GRK5: variants seen among roughly 807,000 people sequenced by gnomAD.
GRK5 encodes the protein g protein-coupled receptor kinase GRK5.
In GRK5, 40 loss-of-function variants were observed where a neutral mutation model predicts 78.4. That is an observed-to-expected ratio of 0.51 (90% CI 0.40 to 0.66). GRK5 has a LOEUF of 0.66. Ranked by LOEUF, GRK5 falls within the 30% of genes least tolerant of loss-of-function variation. The pLI, the probability that GRK5 is intolerant of heterozygous loss-of-function variation, is 0.00. For missense variants in GRK5, 598 were observed against 759.9 expected, an observed-to-expected ratio of 0.79 and a Z score of 2.50; for synonymous variants, 289 against 296.8, an observed-to-expected ratio of 0.97 and a Z score of 0.27.
intron 1 of GRK5, among the ~76,000 whole-genome samples, chr10:119,321,481 T>C (rs1291389969): frequency 6.6e-6 from 1 of 152,316 alleles, no homozygotes; most frequent in African/African-American, 2.4e-5. Context: ...TCGTGGCCCC[T>C]TCCCATCTTC....
chr10:119,261,387 C>T (rs950781959), intron 1 of GRK5, among the ~76,000 whole-genome samples: 3 of 148,068 alleles, frequency 2.0e-5, no homozygotes, highest in Non-Finnish European at 3.0e-5. Context: ...GGATGGCGGC[C>T]GGGCAGAGAC....
chr10:119,280,376 G>A (rs1224322243), intron 1 of GRK5, among the ~76,000 whole-genome samples: 2 of 152,140 alleles, frequency 1.3e-5, no homozygotes, highest in African/African-American at 4.8e-5. Context: ...AGTTTTTCTT[G>A]TTGGTTTTAA....
At chr10:119,386,665 G>T (rs1325156690) in intron 3 of GRK5, among the ~76,000 whole-genome samples, 1 of 152,180 alleles carries the variant, frequency 6.6e-6, no homozygotes, top group Non-Finnish European at 1.5e-5. Flanking sequence ...TGCATCCCTG[G>T]GAATTAGCGA....
chr10:119,393,779 C>T (rs11198906), intron 3 of GRK5, among the ~76,000 whole-genome samples: 36,866 of 152,144 alleles, frequency 0.24, 4,526 homozygotes, highest in East Asian at 0.38. Flanking sequence ...ATCTGCAAAT[C>T]GGGACTAATA....
intron 2 of GRK5, among the ~76,000 whole-genome samples, chr10:119,351,275 G>A (rs1851181407): frequency 6.6e-6 from 1 of 152,142 alleles, no homozygotes; most frequent in South Asian, 2.1e-4. Context: ...TGTAATGGTG[G>A]TAACTCTTTG....
intron 1 of GRK5, among the ~76,000 whole-genome samples, chr10:119,229,563 A>G (rs769964920): frequency 6.6e-6 from 1 of 152,186 alleles, no homozygotes; most frequent in Non-Finnish European, 1.5e-5. Flanking sequence ...TGGGTGTGTA[A>G]TGCTGGCTGG....
intron 4 of GRK5, among the ~76,000 whole-genome samples, chr10:119,404,531 C>T (rs1442032749): frequency 6.6e-6 from 1 of 152,226 alleles, no homozygotes; most frequent in African/African-American, 2.4e-5. Context: ...ATTCAGCCTT[C>T]ATTTTTGTTA....
chr10:119,265,199 G>A (rs1849474617), intron 1 of GRK5, among the ~76,000 whole-genome samples: 1 of 152,184 alleles, frequency 6.6e-6, no homozygotes, highest in African/African-American at 2.4e-5. Context: ...CTGTTCGTTA[G>A]TTTTTATCTT....
chr10:119,207,572 G>GAAGCATCCGAGGCATTA lies in GRK5; in HGVS notation c.-333_-317dup, dbSNP rs1564847685. ...CCCCGGGAGGGACTGAGGGGAGGCA[G>GAAGCATCCGAGGCATTA]AAGCATCCGAGGCATTAAAGCATCC... is the stretch of plus-strand genomic sequence containing the variant. On this transcript the variant is annotated 5_prime_UTR_variant, in exon 1 of 16. Transcript: ENST00000392870. 5.3e-5 allele frequency: 14 copies of GAAGCATCCGAGGCATTA among 265,058 alleles called. No individual in the cohort carries two copies. The highest frequency in any genetic ancestry group is 4.6e-4 in the South Asian group (13 of 28,166). The allele number at this position is 265,058 out of a possible 1,614,324, so 16.4% of individuals were successfully genotyped here.
intron 2 of GRK5, among the ~76,000 whole-genome samples, chr10:119,327,097 G>T (rs1292863714): frequency 6.6e-6 from 1 of 152,130 alleles, no homozygotes; most frequent in Non-Finnish European, 1.5e-5. Flanking sequence ...AGGTGGGGTG[G>T]GGGATGTGGG....
At chr10:119,380,670 C>T in intron 2 of GRK5, 145 bp from the exon 3 acceptor site, 1 of 580,186 alleles carries the variant, frequency 1.7e-6, no homozygotes, top group Non-Finnish European at 3.1e-6. Flanking sequence ...TCTGTGAAGA[C>T]CATGAAATGA....
At chr10:119,215,506 G>A (rs1282480312) in intron 1 of GRK5, among the ~76,000 whole-genome samples, 3 of 150,512 alleles carry the variant, frequency 2.0e-5, no homozygotes, top group African/African-American at 7.4e-5. Context: ...AAGGGGGTGC[G>A]GAGAGTGAGG....
intron 4 of GRK5, among the ~76,000 whole-genome samples, chr10:119,397,665 G>A (rs1047870801): frequency 7.2e-5 from 11 of 152,228 alleles, no homozygotes; most frequent in Non-Finnish European, 1.2e-4. Context: ...CCAGTGGACT[G>A]AGGTCACCAC....
At chr10:119,276,736 A>C (rs1849676350) in intron 1 of GRK5, among the ~76,000 whole-genome samples, 1 of 152,184 alleles carries the variant, frequency 6.6e-6, no homozygotes, top group Admixed American at 6.5e-5. Context: ...TGCCTTTGAC[A>C]TTTTAGCAAC....
Position 119,425,290 on chromosome 10 carries a change from C to T in GRK5, c.533+205C>T, listed in dbSNP as rs1852656508. On this transcript the variant is annotated intron_variant, in intron 6 of 15. Transcript: ENST00000392870. ...ACATACACACACACACACACACACACACACACAAACACACATTCACGCAAA... is the reference window on the plus strand; with the variant it reads ...ACATACACACACACACACACACACATACACACAAACACACATTCACGCAAA... Among the ~76,000 whole-genome samples the T allele has an allele frequency of 2.9e-5, 4 of 137,588 alleles. No homozygotes were observed. In the South Asian group the frequency reaches 9.5e-4, roughly 33 times the overall value. The allele number at this position is 137,588 out of a possible 152,430, so 90.3% of individuals were successfully genotyped here.
At chr10:119,292,449 A>G (rs1348973818) in intron 1 of GRK5, among the ~76,000 whole-genome samples, 1 of 152,110 alleles carries the variant, frequency 6.6e-6, no homozygotes, top group African/African-American at 2.4e-5. Flanking sequence ...GCAGGTGGCT[A>G]TTTTGGGGTC....
At chr10:119,427,361 A>ACTGC (rs1589804283) in intron 6 of GRK5, among the ~76,000 whole-genome samples, 28 of 140,224 alleles carry the variant, frequency 2.0e-4, no homozygotes, top group Admixed American at 3.5e-4. Context: ...CATCAGCATC[A>ACTGC]TCACCATCAT....
intron 1 of GRK5, among the ~76,000 whole-genome samples, chr10:119,255,768 C>G (rs1466893176): frequency 6.6e-6 from 1 of 152,194 alleles, no homozygotes; most frequent in Admixed American, 6.5e-5. Flanking sequence ...CCTCTTGCTT[C>G]GAGCCATCAT....
At chr10:119,376,980 G>A (rs1211230700) in intron 2 of GRK5, among the ~76,000 whole-genome samples, 2 of 152,180 alleles carry the variant, frequency 1.3e-5, no homozygotes, top group Non-Finnish European at 2.9e-5. Context: ...GCGCATGCGC[G>A]TGCGTGTGTG....
Sources: allele counts gnomAD v4.1 joint callset (sites outside exome capture counted in the v4.1 genomes callset), GRCh38; gene constraint gnomAD v4.1.1; transcripts MANE v1.5; gene names NCBI Gene and HGNC (gene_info 2026-07-23, HGNC 2026-07-21).